LGMN: variants seen among roughly 807,000 people sequenced by gnomAD.
The protein encoded by LGMN is asparaginyl endopeptidase.
Under a neutral mutation model 56.8 loss-of-function variants are expected in LGMN, and 36 were observed. That is an observed-to-expected ratio of 0.63 (90% confidence interval 0.49 to 0.84). LGMN has a LOEUF of 0.84. Ranked by LOEUF, LGMN falls within the 40% of genes least tolerant of loss-of-function variation. LGMN has a pLI of 0.00. For synonymous variants in LGMN, 199 were observed against 210.1 expected (o/e 0.95, Z 0.46); for missense variants, 446 against 556.1 (o/e 0.80, Z 1.99).
At chr14:92,716,564 C>T (rs1172278647) in intron 4 of LGMN, among the ~76,000 whole-genome samples, 2 of 152,144 alleles carry the variant, frequency 1.3e-5, no homozygotes, top group Admixed American at 6.5e-5. Flanking sequence ...ACCCGGGAAG[C>T]GGAGGTTGCA....
chr14:92,706,552 C>A lies in LGMN; in HGVS notation c.1122G>T (p.Thr374=). The part of the protein sequence containing the change: ...EQLLSERAPL[T]GHSCYPEALL... Reference sequence around the variant, plus strand: ...GGGCCTCTGGGTAGCAGCTGTGCCCCGTGAGCGGGGCTCTCTCGGACAGGA... The same window carrying A: ...GGGCCTCTGGGTAGCAGCTGTGCCCAGTGAGCGGGGCTCTCTCGGACAGGA... The change falls in exon 12 of 14, where the codon ACG becomes ACT. Residue 374 remains threonine (T), a synonymous_variant. Transcript: ENST00000334869. 6.2e-7 allele frequency: 1 copy of A among 1,602,022 alleles called. No homozygotes were observed. The highest frequency in any genetic ancestry group is 1.3e-5 in the African/African-American group (1 of 74,924).
In LGMN at chr14:92,710,447, G is replaced by A. The variant is rs569299092; in HGVS notation, c.820-575C>T. 3.3e-5 allele frequency among the ~76,000 whole-genome samples: 5 copies of A among 152,356 alleles called. No homozygotes were observed. In the East Asian group the frequency reaches 9.7e-4, roughly 29 times the overall value. On this transcript the variant is annotated intron_variant, in intron 10 of 13. Transcript: ENST00000334869. ...AAGGGCAGAGCTAAGGCCACAGAGA[G>A]GCCAGGCTGATGCTTGGCATCAAGA...
chr14:92,738,636 T>C (rs1891409998), intron 1 of LGMN, among the ~76,000 whole-genome samples: 1 of 152,116 alleles, frequency 6.6e-6, no homozygotes, highest in South Asian at 2.1e-4. Context: ...ATCGTTCTTT[T>C]TTCTTATAAA....
chr14:92,740,340 A>G (rs181585425), intron 1 of LGMN, among the ~76,000 whole-genome samples: 1 of 152,208 alleles, frequency 6.6e-6, no homozygotes, highest in East Asian at 1.9e-4. Flanking sequence ...TCTACTATGG[A>G]CCACACAACG....
intron 1 of LGMN, among the ~76,000 whole-genome samples, chr14:92,734,986 C>T (rs921212017): frequency 3.9e-5 from 6 of 152,170 alleles, no homozygotes; most frequent in Admixed American, 6.5e-5. Context: ...TCATGGAGGA[C>T]GCACCCAGAT....
At position 92,714,213 on chromosome 14, in the gene LGMN, G is replaced by A. The variant is rs573181376; in HGVS notation, c.480+163C>T. Among the ~76,000 whole-genome samples, 2 of 152,292 alleles carry A rather than the reference G, an allele frequency of 1.3e-5. No homozygotes were observed. The highest frequency in any genetic ancestry group is 4.8e-5 in the African/African-American group (2 of 41,566). Reference sequence around the variant, plus strand: ...AAAACTGTCTGGAAGAGATGTCCTTGGATAGATTTCAAGCTGCTAAACCTG... The same window carrying A: ...AAAACTGTCTGGAAGAGATGTCCTTAGATAGATTTCAAGCTGCTAAACCTG... On this transcript the variant is annotated intron_variant, in intron 6 of 13. Coordinates refer to ENST00000334869, the MANE Select transcript of LGMN (RefSeq NM_005606.7). This position sits in a 1 kb window ranked among gnomAD's most constrained non-coding sequence, Gnocchi z 5.1.
chr14:92,717,503 C>G, intron 3 of LGMN, 42 bp from the exon 4 acceptor site: 3 of 1,359,830 alleles, frequency 2.2e-6, no homozygotes, highest in Non-Finnish European at 2.1e-6. Flanking sequence ...TGTGGCATGC[C>G]TCCGAAATCT....
At chr14:92,712,654 AGCCCAGAGCTACCT>A in intron 8 of LGMN, 137 bp downstream of exon 8, 1 of 660,806 alleles carries the variant, frequency 1.5e-6, no homozygotes, top group Non-Finnish European at 2.7e-6. Context: ...AAGCAGAGGA[AGCCCAGAGCTACCT>A]GCAAGTATCT....
Position 92,709,765 on chromosome 14 carries a change from A to G in LGMN, c.927T>C (p.Asp309=). 2 of 1,614,116 alleles carry G rather than the reference A, an allele frequency of 1.2e-6. No individual in the cohort carries two copies. The highest frequency in any genetic ancestry group is 2.2e-5 in the South Asian group (2 of 91,082). The stretch of plus-strand genomic sequence containing the variant: ...TCCTTTTCATGATGGTGAGAGGCAC[A>G]TCAGGGCTGGGGGTGAGGTCAAGGT... ...VTHLDLTPSP[D]VPLTIMKRKL... The change falls in exon 11 of 14, where the codon GAT becomes GAC. Residue 309 remains aspartate (D), a synonymous_variant. Transcript: ENST00000334869.
chr14:92,716,069 G>C, intron 5 of LGMN, 67 bp downstream of exon 5: 1 of 1,076,838 alleles, frequency 9.3e-7, no homozygotes, highest in Non-Finnish European at 1.4e-6. Context: ...AACAACACCT[G>C]TTTCAATTCT....
intron 2 of LGMN, among the ~76,000 whole-genome samples, chr14:92,719,140 GCCACCACCACCGCCACTGCCA>G (rs1890224622): frequency 7.4e-6 from 1 of 134,382 alleles, no homozygotes; most frequent in Non-Finnish European, 1.6e-5. Flanking sequence ...CACCGCCACC[GCCACCACCACCGCCACTGCCA>G]CCACCACCAC....
intron 2 of LGMN, among the ~76,000 whole-genome samples, chr14:92,728,939 T>C (rs1033084393): frequency 6.6e-6 from 1 of 152,132 alleles, no homozygotes; most frequent in African/African-American, 2.4e-5. Flanking sequence ...AACTGAGCCC[T>C]GCACACAGGA....
intron 2 of LGMN, among the ~76,000 whole-genome samples, chr14:92,723,737 A>C (rs367807470): frequency 1.2e-3 from 146 of 120,594 alleles, no homozygotes; most frequent in African/African-American, 4.1e-3. Flanking sequence ...ATGCCCAAAC[A>C]ACTTTTTTTT....
chr14:92,727,254 A>G (rs1279212619), intron 2 of LGMN, among the ~76,000 whole-genome samples: 1 of 151,578 alleles, frequency 6.6e-6, no homozygotes, highest in East Asian at 1.9e-4. Flanking sequence ...ACACGGCAAA[A>G]CCCCGTCTCT....
chr14:92,722,026 G>A (rs1199144675), intron 2 of LGMN, among the ~76,000 whole-genome samples: 1 of 152,034 alleles, frequency 6.6e-6, no homozygotes, highest in African/African-American at 2.4e-5. Flanking sequence ...GGTCAAAACA[G>A]GCAAATGTAA....
intron 3 of LGMN, 57 bp downstream of exon 3, chr14:92,718,690 C>T: frequency 8.3e-7 from 1 of 1,208,294 alleles, no homozygotes; most frequent in Non-Finnish European, 1.2e-6. Flanking sequence ...TCTATGTGAC[C>T]TTTTTTTAAA....
intron 2 of LGMN, among the ~76,000 whole-genome samples, chr14:92,721,526 T>C (rs1298110547): frequency 6.6e-6 from 1 of 152,240 alleles, no homozygotes; most frequent in Non-Finnish European, 1.5e-5. Context: ...TAAGCAGTGA[T>C]AGTAAACTAA....
At chr14:92,721,796 A>C (rs1186171716) in intron 2 of LGMN, among the ~76,000 whole-genome samples, 1 of 152,230 alleles carries the variant, frequency 6.6e-6, no homozygotes, top group African/African-American at 2.4e-5. Context: ...GAATACCTGA[A>C]AATGAACGAA....
At chr14:92,740,257 A>G (rs1311988808) in intron 1 of LGMN, among the ~76,000 whole-genome samples, 1 of 152,066 alleles carries the variant, frequency 6.6e-6, no homozygotes, top group Non-Finnish European at 1.5e-5. Flanking sequence ...TCAAAAAAAG[A>G]AAGAAAGAAA....
Sources: allele counts gnomAD v4.1 joint callset (sites outside exome capture counted in the v4.1 genomes callset), GRCh38; gene constraint gnomAD v4.1.1; non-coding constraint Gnocchi (gnomAD v3.1); transcripts MANE v1.5; gene names NCBI Gene and HGNC (gene_info 2026-07-23, HGNC 2026-07-21).